The following PRDM16 variants were observed in gnomAD, a reference collection of about 807,000 sequenced individuals.
PRDM16 encodes histone-lysine N-methyltransferase PRDM16.
Under a neutral mutation model 110.6 loss-of-function variants are expected in PRDM16, and 23 were observed. The ratio of observed to expected loss-of-function variants is 0.21; its 90% CI spans 0.15 to 0.29. The LOEUF (loss-of-function observed/expected upper bound fraction) is 0.29, where lower values mean the gene tolerates loss of function less well. Ranked by LOEUF, PRDM16 falls within the 10% of genes least tolerant of loss-of-function variation. PRDM16 has a pLI of 1.00. For synonymous variants in PRDM16, 799 were observed against 781.8 expected (o/e 1.02, Z -0.37); for missense variants, 1,615 against 1,794.3 (o/e 0.90, Z 1.81).
chr1:3,128,769 G>A (rs1395974744), intron 1 of PRDM16, among the ~76,000 whole-genome samples: 1 of 152,240 alleles, frequency 6.6e-6, no homozygotes, highest in East Asian at 1.9e-4. Context: ...AATGGCTCTG[G>A]TTCCCTTACT....
At chr1:3,332,397 G>C (rs1033651621) in intron 3 of PRDM16, among the ~76,000 whole-genome samples, 2 of 152,122 alleles carry the variant, frequency 1.3e-5, no homozygotes, top group African/African-American at 4.8e-5. Context: ...GTGGGCAGTG[G>C]GGGGCTCGGG....
At chr1:3,171,293 C>T (rs956622266) in intron 1 of PRDM16, among the ~76,000 whole-genome samples, 1 of 152,212 alleles carries the variant, frequency 6.6e-6, no homozygotes, top group African/African-American at 2.4e-5. Context: ...GCATTTAACC[C>T]CTTGTTCCTC....
In PRDM16 at chr1:3,290,365, C is replaced by T. The variant is rs965776447; in HGVS notation, c.438+46228C>T. ...CTGGAAGAGGAGAGCCTCTCAGTAT[C>T]CCCACCTTATAGATGAGGAGGCACA... On this transcript the variant is annotated intron_variant, in intron 3 of 16. Coordinates refer to ENST00000270722, the MANE Select transcript of PRDM16 (RefSeq NM_022114.4). This position sits in a 1 kb window ranked among gnomAD's most constrained non-coding sequence, Gnocchi z 4.8. Among the ~76,000 whole-genome samples the T allele has an allele frequency of 6.6e-6, 1 of 152,190 alleles. No individual in the cohort carries two copies. Among genetic ancestry groups the T allele is most frequent in the Admixed American group, 6.5e-5 (1 of 15,284 alleles).
At chr1:3,135,237 C>T (rs186990189) in intron 1 of PRDM16, among the ~76,000 whole-genome samples, 23 of 152,292 alleles carry the variant, frequency 1.5e-4, no homozygotes, top group Non-Finnish European at 2.6e-4. Context: ...CCCTTGGCTT[C>T]GGGCTGGACT....
At chr1:3,119,157 C>T (rs1490445572) in intron 1 of PRDM16, among the ~76,000 whole-genome samples, 1 of 152,200 alleles carries the variant, frequency 6.6e-6, no homozygotes. Flanking sequence ...GCACAGCTAT[C>T]GACCCAGGGC....
chr1:3,366,835 C>T (rs1249918898), intron 3 of PRDM16, among the ~76,000 whole-genome samples: 1 of 152,100 alleles, frequency 6.6e-6, no homozygotes, highest in Non-Finnish European at 1.5e-5. Flanking sequence ...AGGCTGTAAC[C>T]GTGTCTGTGA....
At chr1:3,266,924 C>T (rs989535110) in intron 3 of PRDM16, among the ~76,000 whole-genome samples, 12 of 152,290 alleles carry the variant, frequency 7.9e-5, no homozygotes, top group South Asian at 6.2e-4. Flanking sequence ...GTGATCCATC[C>T]GCCTCGACTT....
rs752010675 is a variant in PRDM16, at chr1:3,282,845, A to G, written c.438+38708A>G. 3.0e-4 allele frequency among the ~76,000 whole-genome samples: 46 copies of G among 152,208 alleles called. 1 individual carries two copies. Among genetic ancestry groups the G allele is most frequent in the Admixed American group, 7.9e-4 (12 of 15,284 alleles). ...AGGGGCACGAGGGTGGTGGGCAGCCAGCGCTAGCCCAAGCTCCCGGGGTCA... is the reference window on the plus strand; with the variant it reads ...AGGGGCACGAGGGTGGTGGGCAGCCGGCGCTAGCCCAAGCTCCCGGGGTCA... On this transcript the variant is annotated intron_variant, in intron 3 of 16. Coordinates refer to ENST00000270722, the MANE Select transcript of PRDM16 (RefSeq NM_022114.4).
intron 1 of PRDM16, among the ~76,000 whole-genome samples, chr1:3,087,576 T>C (rs1463224394): frequency 6.6e-6 from 1 of 152,174 alleles, no homozygotes; most frequent in Non-Finnish European, 1.5e-5. Flanking sequence ...AGGAGGAGAT[T>C]GAAACCAACT....
chr1:3,316,774 A>G (rs1641615622), intron 3 of PRDM16, among the ~76,000 whole-genome samples: 1 of 150,050 alleles, frequency 6.7e-6, no homozygotes, highest in African/African-American at 2.4e-5. Context: ...CAGGGTAGAC[A>G]GGAAACATTG....
intron 3 of PRDM16, among the ~76,000 whole-genome samples, chr1:3,319,647 T>C (rs2100447985): frequency 6.6e-6 from 1 of 152,226 alleles, no homozygotes; most frequent in East Asian, 1.9e-4. Flanking sequence ...TCCTCTAATC[T>C]ACCCCTTTGC....
chr1:3,264,833 T>C (rs1343467989), intron 3 of PRDM16, among the ~76,000 whole-genome samples: 1 of 151,806 alleles, frequency 6.6e-6, no homozygotes, highest in East Asian at 1.9e-4. Context: ...AACAGACATA[T>C]TTGGGACATC....
intron 1 of PRDM16, among the ~76,000 whole-genome samples, chr1:3,141,895 G>A (rs867823659): frequency 1.3e-5 from 2 of 152,254 alleles, no homozygotes; most frequent in African/African-American, 2.4e-5. Context: ...GTTCTGTGCG[G>A]AAGCATGTGC....
At chr1:3,378,653 C>T (rs1477060193) in intron 3 of PRDM16, among the ~76,000 whole-genome samples, 6 of 152,118 alleles carry the variant, frequency 3.9e-5, no homozygotes, top group African/African-American at 1.4e-4. Flanking sequence ...CCTGCATGGC[C>T]CTGAGTGCAC....
chr1:3,425,444 A>G lies in PRDM16; in HGVS notation c.2940-137A>G. 3 of 905,464 alleles carry G rather than the reference A, an allele frequency of 3.3e-6. No homozygotes were observed. The highest frequency in any genetic ancestry group is 4.9e-6 in the Non-Finnish European group (3 of 610,526). 56.1% of individuals were successfully genotyped at this position (905,464 alleles called of 1,614,324 possible). On this transcript the variant is annotated intron_variant, in intron 12 of 16. Coordinates refer to ENST00000270722, the MANE Select transcript of PRDM16 (RefSeq NM_022114.4). This position sits in a 1 kb window ranked among gnomAD's most constrained non-coding sequence, Gnocchi z 6.9. Reference sequence around the variant, plus strand: ...GGCTCTGCAGCTGGGAGATCCAGCAACCTCCGGGACACGGCGGGGCAAAGC... The same window carrying G: ...GGCTCTGCAGCTGGGAGATCCAGCAGCCTCCGGGACACGGCGGGGCAAAGC...
chr1:3,185,097 G>A (rs1644252633), intron 1 of PRDM16, among the ~76,000 whole-genome samples: 2 of 152,160 alleles, frequency 1.3e-5, no homozygotes, highest in African/African-American at 4.8e-5. Context: ...ACATTCGCCT[G>A]CCTGAGTCCT....
intron 1 of PRDM16, among the ~76,000 whole-genome samples, chr1:3,077,717 T>C (rs1641931212): frequency 6.6e-6 from 1 of 152,142 alleles, no homozygotes; most frequent in African/African-American, 2.4e-5. Context: ...TTTGTGGGTG[T>C]TGTGCAGGGT....
At chr1:3,283,572 C>T (rs990110157) in intron 3 of PRDM16, among the ~76,000 whole-genome samples, 2 of 151,772 alleles carry the variant, frequency 1.3e-5, no homozygotes, top group African/African-American at 2.4e-5. Context: ...CGAAGGGTTA[C>T]GGGGACCAGA....
intron 3 of PRDM16, among the ~76,000 whole-genome samples, chr1:3,371,016 C>G (rs1642895940): frequency 6.6e-6 from 1 of 151,254 alleles, no homozygotes; most frequent in Admixed American, 6.6e-5. Flanking sequence ...ATCCATCCAT[C>G]CACCCACCCA....
Sources: gnomAD v4.1 joint callset for allele counts (sites outside exome capture counted in the v4.1 genomes callset) on GRCh38, gnomAD v4.1.1 for gene constraint, Gnocchi (gnomAD v3.1) non-coding constraint, MANE v1.5 for transcripts, NCBI Gene and HGNC (gene_info 2026-07-23, HGNC 2026-07-21) for gene names.